Variants in XRRA1 observed in about 807,000 individuals in gnomAD.
XRRA1 encodes X-ray radiation resistance-associated protein 1.
Under a neutral mutation model 80.2 loss-of-function variants are expected in XRRA1, and 69 were observed. The ratio of observed to expected loss-of-function variants is 0.86; its 90% CI spans 0.71 to 1.05. The LOEUF (loss-of-function observed/expected upper bound fraction) is 1.05, where lower values mean the gene tolerates loss of function less well. Ranked by LOEUF, XRRA1 falls within the 50% of genes least tolerant of loss-of-function variation. The pLI is 0.00. For missense variants in XRRA1, 967 were observed against 976.4 expected, an observed-to-expected ratio of 0.99 and a Z score of 0.13; for synonymous variants, 348 against 389.9, an observed-to-expected ratio of 0.89 and a Z score of 1.27.
chr11:74,890,458 T>C (rs994989504), intron 10 of XRRA1, among the ~76,000 whole-genome samples: 1 of 152,104 alleles, frequency 6.6e-6, no homozygotes, highest in Non-Finnish European at 1.5e-5. Flanking sequence ...AGGAAATATC[T>C]AAAATTGACA....
intron 3 of XRRA1, among the ~76,000 whole-genome samples, chr11:74,938,188 G>A (rs368615220): frequency 1.3e-5 from 2 of 152,340 alleles, no homozygotes; most frequent in South Asian, 4.1e-4. Flanking sequence ...TGCCTTGGGG[G>A]CTTGCCCTGG....
At chr11:74,938,219 A>C (rs935172637) in intron 3 of XRRA1, among the ~76,000 whole-genome samples, 1 of 152,180 alleles carries the variant, frequency 6.6e-6, no homozygotes, top group Non-Finnish European at 1.5e-5. Flanking sequence ...ACTGCTGACA[A>C]TCCTGCTTCT....
chr11:74,912,339 G>GA (rs1231278339), intron 8 of XRRA1, among the ~76,000 whole-genome samples: 1 of 152,142 alleles, frequency 6.6e-6, no homozygotes, highest in Non-Finnish European at 1.5e-5. Context: ...GCTAAGATTT[G>GA]AAAAAAGAAG....
Position 74,948,908 on chromosome 11 carries a change from A to C in XRRA1, c.-73+20T>G. ...GGGCCGGAGAAAGACTCGAATTCGA[A>C]AACTAAGTTTCAGTCGCACCTGCCT... On this transcript the variant is annotated intron_variant, in intron 1 of 18. Coordinates refer to ENST00000684022, the MANE Select transcript of XRRA1 (RefSeq NM_001378157.1). 5.5e-6 allele frequency: 1 copy of C among 182,650 alleles called. No homozygotes were observed. The highest frequency in any genetic ancestry group is 1.7e-4 in the East Asian group (1 of 5,824). 11.3% of individuals were successfully genotyped at this position (182,650 alleles called of 1,614,324 possible). A position where few individuals can be genotyped will look rare whatever the true frequency, so the allele number is the denominator to read the frequency against.
At chr11:74,869,258 A>C (rs575235419) in intron 10 of XRRA1, among the ~76,000 whole-genome samples, 2 of 152,134 alleles carry the variant, frequency 1.3e-5, no homozygotes, top group Non-Finnish European at 2.9e-5. Context: ...TAAATAATGA[A>C]ATTAAGGGAG....
chr11:74,933,620 G>A, intron 5 of XRRA1, 181 bp downstream of exon 5: 1 of 570,756 alleles, frequency 1.8e-6, no homozygotes, highest in South Asian at 2.3e-5. Context: ...TGTAGCAAAA[G>A]TTTGTGTCTG....
intron 10 of XRRA1, among the ~76,000 whole-genome samples, chr11:74,872,546 A>G (rs1300368012): frequency 1.3e-5 from 2 of 151,938 alleles, no homozygotes; most frequent in Non-Finnish European, 2.9e-5. Context: ...ATTAGTTGCT[A>G]CCAGTGTGGC....
chr11:74,930,114 C>G (rs990603409), intron 6 of XRRA1, among the ~76,000 whole-genome samples, 186 bp downstream of exon 6: 2 of 152,066 alleles, frequency 1.3e-5, no homozygotes, highest in Admixed American at 6.6e-5. Context: ...GAAAAATGTT[C>G]TAAGTAGGTA....
chr11:74,847,030 G>A (rs1180714036), intron 15 of XRRA1, among the ~76,000 whole-genome samples: 1 of 151,924 alleles, frequency 6.6e-6, no homozygotes, highest in African/African-American at 2.4e-5. Flanking sequence ...AATAGCAGCA[G>A]TGCATGATGT....
intron 10 of XRRA1, among the ~76,000 whole-genome samples, chr11:74,874,614 C>A (rs185712692): frequency 1.3e-5 from 2 of 152,212 alleles, no homozygotes; most frequent in Non-Finnish European, 2.9e-5. Flanking sequence ...TAATGTAGCA[C>A]GATTGCTGTC....
chr11:74,899,877 G>A (rs974203032), intron 10 of XRRA1, among the ~76,000 whole-genome samples: 2 of 152,086 alleles, frequency 1.3e-5, no homozygotes, highest in African/African-American at 4.8e-5. Context: ...TAAAGGAGGA[G>A]GGAATACTTC....
intron 10 of XRRA1, among the ~76,000 whole-genome samples, chr11:74,897,710 A>AAG (rs1337732769): frequency 6.6e-6 from 1 of 150,756 alleles, no homozygotes; most frequent in East Asian, 1.9e-4. Context: ...AACTGCTAAA[A>AAG]AAAAAAAAAA....
rs990790796 is a variant in XRRA1 at position 74,914,575 on chromosome 11, C to T, written c.656+6639G>A. Among the ~76,000 whole-genome samples the T allele has an allele frequency of 5.3e-5, 8 of 152,186 alleles. No homozygotes were observed. In the South Asian group the frequency reaches 1.7e-3, roughly 32 times the overall value. ...TGTTATCGCCAAATAATTATTACTA[C>T]TGTCCCTTTTCCCTCTCATATATGT... On this transcript the variant is annotated intron_variant, in intron 8 of 18. Coordinates refer to ENST00000684022, the MANE Select transcript of XRRA1 (RefSeq NM_001378157.1).
intron 18 of XRRA1, 183 bp from the exon 19 acceptor site, chr11:74,843,636 C>A (rs2037044650): frequency 1.1e-6 from 1 of 883,196 alleles, no homozygotes; most frequent in East Asian, 2.7e-5. Context: ...TATGCATTGA[C>A]TCTATCTTAA....
At chr11:74,886,531 G>A (rs1045804196) in intron 10 of XRRA1, among the ~76,000 whole-genome samples, 2 of 150,704 alleles carry the variant, frequency 1.3e-5, no homozygotes, top group Non-Finnish European at 3.0e-5. Context: ...TACAACAAGA[G>A]TTATAAAACA....
At position 74,930,343 on chromosome 11, in the gene XRRA1, A is replaced by ATGAAAATGCT; in HGVS notation, c.371_380dup (p.His127GlnfsTer35). On this transcript the variant is annotated frameshift_variant, in exon 6 of 19. Coordinates refer to ENST00000684022, the MANE Select transcript of XRRA1 (RefSeq NM_001378157.1). LOFTEE classifies it high-confidence loss of function. ...CTGAGGCATTGATATAAATCACAGA[A>ATGAAAATGCT]TGAAAATGCTTGAAGTCATTTTCCT... The ATGAAAATGCT allele has an allele frequency of 6.4e-7, 1 of 1,568,174 alleles. No homozygotes were observed. Among genetic ancestry groups the ATGAAAATGCT allele is most frequent in the South Asian group, 1.2e-5 (1 of 85,118 alleles).
intron 15 of XRRA1, among the ~76,000 whole-genome samples, chr11:74,845,510 T>C (rs954691826): frequency 1.3e-5 from 2 of 152,206 alleles, no homozygotes; most frequent in African/African-American, 4.8e-5. Flanking sequence ...AGAAGCTCCC[T>C]TGGAGGAATG....
intron 14 of XRRA1, among the ~76,000 whole-genome samples, chr11:74,849,867 G>A (rs954854363): frequency 7.2e-5 from 11 of 152,206 alleles, no homozygotes; most frequent in Middle Eastern, 3.2e-3. Context: ...GTCTGTCCAT[G>A]CCTAGGTGTG....
chr11:74,936,376 C>A (rs1023126362), intron 4 of XRRA1, among the ~76,000 whole-genome samples: 1 of 152,248 alleles, frequency 6.6e-6, no homozygotes, highest in African/African-American at 2.4e-5. Context: ...AGGACCCAGT[C>A]CCACTCAATC....
Sources: allele counts gnomAD v4.1 joint callset (sites outside exome capture counted in the v4.1 genomes callset), GRCh38; gene constraint gnomAD v4.1.1; transcripts MANE v1.5; gene names NCBI Gene and HGNC (gene_info 2026-07-23, HGNC 2026-07-21).